Variants in G6PC1 observed in about 807,000 individuals in gnomAD.
G6PC1 encodes the protein glucose-6-phosphatase catalytic subunit 1.
G6PC1 carries 23 observed loss-of-function variants against 30.4 expected under a neutral mutation model. The observed-to-expected ratio is 0.76, with a 90% CI of 0.55 to 1.07. G6PC1 has a LOEUF of 1.07. Among genes scored for constraint, G6PC1 ranks in the 50% least tolerant of loss-of-function variants. The pLI, the probability that G6PC1 is intolerant of heterozygous loss-of-function variation, is 0.00. For synonymous variants in G6PC1, 163 were observed against 175.6 expected (o/e 0.93, Z 0.57); for missense variants, 391 against 433.9 (o/e 0.90, Z 0.88).
In G6PC1 at chr17:42,905,428, A is replaced by AT. The variant is rs1567704288; in HGVS notation, c.340+1388_340+1389insT. On this transcript the variant is annotated intron_variant, in intron 2 of 4. Transcript: ENST00000253801. The stretch of plus-strand genomic sequence containing the variant: ...GAGACACCATCTGAAAAAAAAAAAA[A>AT]AATATATATATATATACACACACAC... Among the ~76,000 whole-genome samples the AT allele has an allele frequency of 8.8e-4, 117 of 132,832 alleles. No individual in the cohort carries two copies. The South Asian group carries it at 0.019, about 22-fold the overall frequency. 87.1% of individuals were successfully genotyped at this position (132,832 alleles called of 152,430 possible). A position where few individuals can be genotyped will look rare whatever the true frequency, so the allele number is the denominator to read the frequency against.
intron 3 of G6PC1, 110 bp from the exon 4 acceptor site, chr17:42,909,193 T>G: frequency 1.2e-6 from 1 of 855,108 alleles, no homozygotes; most frequent in East Asian, 2.4e-5. Flanking sequence ...TTTACAAAAA[T>G]TCCACTGAGA....
chr17:42,903,017 G>A (rs1009921072), intron 1 of G6PC1, among the ~76,000 whole-genome samples: 1 of 150,638 alleles, frequency 6.6e-6, no homozygotes, highest in Non-Finnish European at 1.5e-5. Context: ...CATTCTTCCA[G>A]GACAAATACT....
chr17:42,908,652 G>A (rs948544047), intron 3 of G6PC1, among the ~76,000 whole-genome samples: 3 of 146,758 alleles, frequency 2.0e-5, no homozygotes, highest in Admixed American at 1.4e-4. Context: ...TGATCCATCC[G>A]CCTCAGCCTC....
intron 1 of G6PC1, among the ~76,000 whole-genome samples, chr17:42,903,206 C>T (rs1029364658): frequency 6.6e-6 from 1 of 151,614 alleles, no homozygotes; most frequent in Non-Finnish European, 1.5e-5. Context: ...CTTAGCCTCC[C>T]GAGTAGCTGG....
chr17:42,909,893 C>T (rs1220583646), intron 4 of G6PC1, among the ~76,000 whole-genome samples: 2 of 148,068 alleles, frequency 1.4e-5, no homozygotes, highest in African/African-American at 2.5e-5. Flanking sequence ...GATGGAGTCT[C>T]GCTCTGTGAC....
chr17:42,911,807 G>C lies in G6PC1; in HGVS notation c.*381G>C. 2 of 323,996 alleles carry C rather than the reference G, an allele frequency of 6.2e-6. No individual in the cohort carries two copies. The highest frequency in any genetic ancestry group is 3.2e-5 in the South Asian group (1 of 31,090). The allele number at this position is 323,996 out of a possible 1,614,324, so 20.1% of individuals were successfully genotyped here. A position where few individuals can be genotyped will look rare whatever the true frequency, so the allele number is the denominator to read the frequency against. On this transcript the variant is annotated 3_prime_UTR_variant, in exon 5 of 5. Transcript: ENST00000253801. ...GAGGCCAGAGGTGCTGTCAGCTCAGGTGGTCCTCTTTTACAATCCTAATCA... is the reference window on the plus strand; with the variant it reads ...GAGGCCAGAGGTGCTGTCAGCTCAGCTGGTCCTCTTTTACAATCCTAATCA...
At chr17:42,904,397 C>T (rs753578677) in intron 2 of G6PC1, among the ~76,000 whole-genome samples, 1 of 152,176 alleles carries the variant, frequency 6.6e-6, no homozygotes, top group South Asian at 2.1e-4. Flanking sequence ...CCTGAGCTGA[C>T]CGTCCAATCC....
At chr17:42,907,245 G>A (rs1597989770) in intron 2 of G6PC1, among the ~76,000 whole-genome samples, 1 of 152,166 alleles carries the variant, frequency 6.6e-6, no homozygotes, top group South Asian at 2.1e-4. Flanking sequence ...GCAAGAGCAG[G>A]GCCCCTCTCT....
intron 3 of G6PC1, among the ~76,000 whole-genome samples, chr17:42,907,989 C>T (rs1185300750): frequency 1.3e-5 from 2 of 152,212 alleles, no homozygotes; most frequent in African/African-American, 2.4e-5. Context: ...AGAAGATATT[C>T]CTACTACAGA....
Position 42,901,051 on chromosome 17 carries a change from A to G in G6PC1, c.175A>G (p.Ile59Val), listed in dbSNP as rs774215572. Reference sequence around the variant, plus strand: ...GTTCCATCTTCAGGAAGCTGTGGGCATTAAACTCCTTTGGGTAGCTGTGAT... The same window carrying G: ...GTTCCATCTTCAGGAAGCTGTGGGCGTTAAACTCCTTTGGGTAGCTGTGAT... ...IWFHLQEAVG[I>V]KLLWVAVIGD... is the part of the protein sequence containing the mutation. The change falls in exon 1 of 5, where the codon ATT (isoleucine) becomes GTT (valine). Residue 59 changes from isoleucine to valine, a missense_variant. Ile to Val is a conservative substitution (Grantham distance 29, BLOSUM62 3). Coordinates refer to ENST00000253801, the MANE Select transcript of G6PC1 (RefSeq NM_000151.4). The G allele has an allele frequency of 5.0e-6, 8 of 1,614,076 alleles. No homozygotes were observed. The highest frequency in any genetic ancestry group is 1.7e-5 in the Admixed American group (1 of 59,996).
Position 42,912,800 on chromosome 17 carries a change from CT to C in G6PC1, c.*1383del, listed in dbSNP as rs1180911937. On this transcript the variant is annotated 3_prime_UTR_variant, in exon 5 of 5. Coordinates refer to ENST00000253801, the MANE Select transcript of G6PC1 (RefSeq NM_000151.4). ...AGCCAACTCCTCCTTGCCTGCTTTT[CT>C]TTTTTTTTCTTTTTTTGAGACGGCG... 1.3e-5 allele frequency: 2 copies of C among 151,114 alleles called. No homozygotes were observed. The highest frequency in any genetic ancestry group is 2.9e-5 in the Non-Finnish European group (2 of 67,888). The allele number at this position is 151,114 out of a possible 1,614,324, so 9.4% of individuals were successfully genotyped here. A position where few individuals can be genotyped will look rare whatever the true frequency, so the allele number is the denominator to read the frequency against.
chr17:42,907,392 T>TG (rs1383526826), intron 2 of G6PC1, 131 bp from the exon 3 acceptor site: 74 of 641,438 alleles, frequency 1.2e-4, no homozygotes, highest in East Asian at 7.8e-4. Flanking sequence ...AACGGATGGA[T>TG]GGGGGGTGAA....
At chr17:42,905,677 G>A (rs867424651) in intron 2 of G6PC1, among the ~76,000 whole-genome samples, 14 of 152,134 alleles carry the variant, frequency 9.2e-5, no homozygotes, top group Middle Eastern at 3.4e-3. Context: ...GGCTTTAAGA[G>A]GTTATTTTAT....
At chr17:42,908,508 G>T (rs186992113) in intron 3 of G6PC1, among the ~76,000 whole-genome samples, 1 of 150,968 alleles carries the variant, frequency 6.6e-6, no homozygotes. Flanking sequence ...CTGGGTTCAA[G>T]CTATTCTTCT....
rs1204092656 is a variant in G6PC1 at position 42,901,059 on chromosome 17, C to T, written c.183C>T (p.Leu61=). The T allele has an allele frequency of 6.2e-7, 1 of 1,614,160 alleles. No homozygotes were observed. Among genetic ancestry groups the T allele is most frequent in the African/African-American group, 1.3e-5 (1 of 75,042 alleles). ...FHLQEAVGIK[L]LWVAVIGDWL... ...TTCAGGAAGCTGTGGGCATTAAACT[C>T]CTTTGGGTAGCTGTGATTGGAGACT... Residue 61 remains leucine (L), a synonymous_variant, in exon 1 of 5, where the codon CTC becomes CTT. Transcript: ENST00000253801.
Position 42,900,905 on chromosome 17 carries a change from A to G in G6PC1, c.29A>G (p.Asp10Gly). 1 of 1,614,112 alleles carries G rather than the reference A, an allele frequency of 6.2e-7. No individual in the cohort carries two copies. Among genetic ancestry groups the G allele is most frequent in the Non-Finnish European group, 8.5e-7 (1 of 1,180,016 alleles). ...GAGGAAGGAATGAATGTTCTCCATG[A>G]CTTTGGGATCCAGTCAACACATTAC... MEEGMNVLH[D>G]FGIQSTHYLQ... The change falls in exon 1 of 5, where the codon GAC becomes GGC. Residue 10 changes from aspartate (D) to glycine (G), a missense_variant. By Grantham distance (94) the Asp-to-Gly change is moderately conservative. Coordinates refer to ENST00000253801, the MANE Select transcript of G6PC1 (RefSeq NM_000151.4).
intron 1 of G6PC1, among the ~76,000 whole-genome samples, 157 bp downstream of exon 1, chr17:42,901,263 AG>A (rs2056024515): frequency 6.6e-6 from 1 of 152,186 alleles, no homozygotes; most frequent in South Asian, 2.1e-4. Context: ...ATCTACATAA[AG>A]GGGGAAGACA....
At chr17:42,903,299 G>T (rs1229361029) in intron 1 of G6PC1, among the ~76,000 whole-genome samples, 1 of 151,846 alleles carries the variant, frequency 6.6e-6, no homozygotes, top group Non-Finnish European at 1.5e-5. Context: ...GGCCAGGCTG[G>T]TCTCAAACTC....
chr17:42,905,568 T>A (rs1330136251), intron 2 of G6PC1, among the ~76,000 whole-genome samples: 1 of 147,476 alleles, frequency 6.8e-6, no homozygotes, highest in African/African-American at 2.5e-5. Flanking sequence ...GGACCAAACA[T>A]CTTTTGTAGA....
Sources: allele counts gnomAD v4.1 joint callset (sites outside exome capture counted in the v4.1 genomes callset), GRCh38; gene constraint gnomAD v4.1.1; transcripts MANE v1.5; gene names NCBI Gene and HGNC (gene_info 2026-07-23, HGNC 2026-07-21).